PALS2: variants seen among roughly 807,000 people sequenced by gnomAD.
PALS2 encodes the protein protein PALS2.
A neutral mutation model predicts 61.6 loss-of-function variants in PALS2; 27 were observed. The observed-to-expected ratio is 0.44, with a 90% CI of 0.32 to 0.60. The LOEUF is 0.60. Among genes scored for constraint, PALS2 ranks in the 20% least tolerant of loss-of-function variants. PALS2 has a pLI of 0.05. For synonymous variants in PALS2, 236 were observed against 218.6 expected (o/e 1.08, Z -0.70); for missense variants, 554 against 639.4 (o/e 0.87, Z 1.44).
At chr7:24,607,236 C>T (rs949401752) in intron 1 of PALS2, among the ~76,000 whole-genome samples, 7 of 152,114 alleles carry the variant, frequency 4.6e-5, no homozygotes, top group African/African-American at 1.7e-4. Flanking sequence ...TATTTAATCA[C>T]TCCTTTTGCC....
chr7:24,606,081 G>A (rs960744455), intron 1 of PALS2, among the ~76,000 whole-genome samples: 30 of 152,002 alleles, frequency 2.0e-4, no homozygotes, highest in Non-Finnish European at 1.6e-4. Flanking sequence ...TTCTTTCCTA[G>A]TAGTAAGCCA....
chr7:24,601,346 A>G (rs1477279531), intron 1 of PALS2, among the ~76,000 whole-genome samples: 1 of 152,120 alleles, frequency 6.6e-6, no homozygotes. Flanking sequence ...TGTATATGCC[A>G]CTTGGCTATA....
chr7:24,577,005 G>C (rs1216699839), intron 1 of PALS2, among the ~76,000 whole-genome samples: 2 of 152,082 alleles, frequency 1.3e-5, no homozygotes, highest in Admixed American at 6.5e-5. Context: ...ATTTAACCTT[G>C]TTAATGTCCA....
intron 11 of PALS2, among the ~76,000 whole-genome samples, chr7:24,683,971 G>A (rs527575508): frequency 8.5e-5 from 13 of 152,176 alleles, no homozygotes; most frequent in Non-Finnish European, 1.6e-4. Flanking sequence ...TTATTCTACA[G>A]TACAAACACA....
intron 1 of PALS2, among the ~76,000 whole-genome samples, chr7:24,611,981 A>G (rs1784130346): frequency 6.6e-6 from 1 of 152,030 alleles, no homozygotes; most frequent in Admixed American, 6.6e-5. Context: ...GGGGTGATGG[A>G]AAGAAACTGA....
At chr7:24,662,768 GAAAA>G (rs59367702) in intron 5 of PALS2, among the ~76,000 whole-genome samples, 2,787 of 102,044 alleles carry the variant, frequency 0.027, 34 homozygotes, top group Non-Finnish European at 0.04. Flanking sequence ...GACTCCATCT[GAAAA>G]AAAAAAAAAA....
intron 1 of PALS2, among the ~76,000 whole-genome samples, chr7:24,609,038 A>G (rs1164624018): frequency 6.6e-6 from 1 of 152,170 alleles, no homozygotes; most frequent in East Asian, 1.9e-4. Context: ...TATCTCTCAG[A>G]ATGCTAACAA....
intron 2 of PALS2, among the ~76,000 whole-genome samples, chr7:24,638,099 A>T (rs2128068310): frequency 6.6e-6 from 1 of 150,526 alleles, no homozygotes; most frequent in East Asian, 1.9e-4. Flanking sequence ...TTGAAAGCTA[A>T]TAAAAAAAAT....
At chr7:24,575,463 A>G (rs1782608592) in intron 1 of PALS2, among the ~76,000 whole-genome samples, 1 of 152,188 alleles carries the variant, frequency 6.6e-6, no homozygotes, top group Non-Finnish European at 1.5e-5. Flanking sequence ...CCAGAGCACT[A>G]CATAGCCTGC....
intron 1 of PALS2, among the ~76,000 whole-genome samples, chr7:24,612,058 C>G (rs543986003): frequency 1.3e-5 from 2 of 152,052 alleles, no homozygotes; most frequent in African/African-American, 4.8e-5. Context: ...TCTGTTTCTA[C>G]TCCTACCACT....
intron 5 of PALS2, 25 bp from the exon 6 acceptor site, chr7:24,663,564 AT>A: frequency 6.4e-7 from 1 of 1,551,982 alleles, no homozygotes; most frequent in South Asian, 1.2e-5. Context: ...CAACTATAGT[AT>A]TTTTAATTGT....
At chr7:24,624,385 C>G (rs931764219) in intron 2 of PALS2, among the ~76,000 whole-genome samples, 9 of 152,086 alleles carry the variant, frequency 5.9e-5, no homozygotes, top group African/African-American at 2.2e-4. Flanking sequence ...CCCCAAATGA[C>G]TCTTGCTTTC....
chr7:24,613,378 C>T (rs566760820), intron 1 of PALS2, among the ~76,000 whole-genome samples: 1 of 151,688 alleles, frequency 6.6e-6, no homozygotes, highest in South Asian at 2.1e-4. Context: ...TCATTGTATT[C>T]TTAAAAGAGA....
intron 2 of PALS2, among the ~76,000 whole-genome samples, chr7:24,630,417 G>A (rs114206468): frequency 0.016 from 2,449 of 152,002 alleles, 79 homozygotes; most frequent in African/African-American, 0.057. Flanking sequence ...AAACCACCAT[G>A]GCACATTTGT....
At chr7:24,642,581 A>G (rs1022252363) in intron 3 of PALS2, among the ~76,000 whole-genome samples, 1 of 152,134 alleles carries the variant, frequency 6.6e-6, no homozygotes, top group Non-Finnish European at 1.5e-5. Context: ...TGGAAAAAGA[A>G]TGGTGCTGGG....
chr7:24,692,301 A>G lies in PALS2; in HGVS notation c.*4687A>G, dbSNP rs965240067. ...AAAAGTAAAGACAGGGTACTGGCCA[A>G]GATCCTAATTCTGACTTCTGACTGT... is the stretch of plus-strand genomic sequence containing the variant. On this transcript the variant is annotated 3_prime_UTR_variant, in exon 12 of 12. Coordinates refer to ENST00000222644, the MANE Select transcript of PALS2 (RefSeq NM_001303037.2). The G allele has an allele frequency of 4.6e-5, 7 of 152,216 alleles. No individual in the cohort carries two copies. Among genetic ancestry groups the G allele is most frequent in the East Asian group, 3.8e-4 (2 of 5,196 alleles). 9.4% of individuals were successfully genotyped at this position (152,216 alleles called of 1,614,324 possible).
At chr7:24,628,315 CCCT>C (rs1291312117) in intron 2 of PALS2, among the ~76,000 whole-genome samples, 1 of 151,972 alleles carries the variant, frequency 6.6e-6, no homozygotes, top group East Asian at 1.9e-4. Context: ...AAAATTCAGC[CCCT>C]CTTCATGCTA....
intron 2 of PALS2, among the ~76,000 whole-genome samples, chr7:24,631,117 G>A (rs146266125): frequency 3.3e-5 from 5 of 152,302 alleles, no homozygotes; most frequent in African/African-American, 9.6e-5. Context: ...AAAGTAAATT[G>A]CAAGCCTTCC....
chr7:24,605,207 T>C (rs1250869790), intron 1 of PALS2, among the ~76,000 whole-genome samples: 1 of 152,210 alleles, frequency 6.6e-6, no homozygotes, highest in Non-Finnish European at 1.5e-5. Flanking sequence ...AACTTTGTTA[T>C]CAAGTGAAAG....
Sources: gnomAD v4.1 joint callset for allele counts (sites outside exome capture counted in the v4.1 genomes callset) on GRCh38, gnomAD v4.1.1 for gene constraint, MANE v1.5 for transcripts, NCBI Gene and HGNC (gene_info 2026-07-23, HGNC 2026-07-21) for gene names.